The following PPP1R9A variants were observed in gnomAD, a reference collection of about 807,000 sequenced individuals.
The protein encoded by PPP1R9A is protein phosphatase 1 regulatory subunit 9A.
PPP1R9A carries 59 observed loss-of-function variants against 141.9 expected under a neutral mutation model. The observed-to-expected ratio is 0.42, with a 90% CI of 0.34 to 0.52. The LOEUF (loss-of-function observed/expected upper bound fraction) is 0.52, where lower values mean the gene tolerates loss of function less well. Among genes scored for constraint, PPP1R9A ranks in the 20% least tolerant of loss-of-function variants. PPP1R9A has a pLI of 0.10. For synonymous variants in PPP1R9A, 500 were observed against 569.7 expected (o/e 0.88, Z 1.74); for missense variants, 1,444 against 1,611.9 (o/e 0.90, Z 1.78).
intron 7 of PPP1R9A, among the ~76,000 whole-genome samples, chr7:95,218,679 T>C (rs1353481862): frequency 1.3e-5 from 2 of 152,122 alleles, no homozygotes; most frequent in African/African-American, 4.8e-5. Flanking sequence ...ATATTTAGGA[T>C]AGTTAGCTCT....
intron 2 of PPP1R9A, among the ~76,000 whole-genome samples, chr7:94,988,879 T>C (rs926449030): frequency 3.3e-5 from 5 of 152,014 alleles, no homozygotes; most frequent in African/African-American, 1.2e-4. Flanking sequence ...CCTTAGCTGT[T>C]CAGGAGTTTT....
At chr7:94,970,314 A>G (rs1247162000) in intron 2 of PPP1R9A, among the ~76,000 whole-genome samples, 1 of 152,176 alleles carries the variant, frequency 6.6e-6, no homozygotes, top group African/African-American at 2.4e-5. Context: ...GCAGATTGCA[A>G]AGACCATGGG....
chr7:95,296,270 C>T lies in PPP1R9A; in HGVS notation c.*5967C>T, dbSNP rs1368706105. 1.3e-5 allele frequency: 2 copies of T among 152,632 alleles called. No individual in the cohort carries two copies. The highest frequency in any genetic ancestry group is 4.8e-5 in the African/African-American group (2 of 41,464). The allele number at this position is 152,632 out of a possible 1,614,324, so 9.5% of individuals were successfully genotyped here. On this transcript the variant is annotated 3_prime_UTR_variant, in exon 20 of 20. Transcript: ENST00000433360. The stretch of plus-strand genomic sequence containing the variant: ...TTTCAGAGGCATTCAAGCAAAATAT[C>T]ACAGTGGTCTTTTGTTTTCTGACCA...
chr7:95,277,730 AT>A (rs1378112528), intron 16 of PPP1R9A, among the ~76,000 whole-genome samples: 1 of 152,234 alleles, frequency 6.6e-6, no homozygotes, highest in Non-Finnish European at 1.5e-5. Context: ...CCCAGCCAAC[AT>A]TCTGATTTTA....
chr7:94,942,958 C>T (rs1584322429), intron 2 of PPP1R9A, among the ~76,000 whole-genome samples: 1 of 152,022 alleles, frequency 6.6e-6, no homozygotes, highest in Non-Finnish European at 1.5e-5. Context: ...CAAATTTTCT[C>T]ATTAAAAAAT....
At chr7:95,164,983 C>T (rs1020035447) in intron 5 of PPP1R9A, among the ~76,000 whole-genome samples, 1 of 152,002 alleles carries the variant, frequency 6.6e-6, no homozygotes, top group Non-Finnish European at 1.5e-5. Context: ...GCTTTGCCCC[C>T]TTCCCCCAAA....
chr7:94,947,049 C>A (rs1795971420), intron 2 of PPP1R9A, among the ~76,000 whole-genome samples: 1 of 152,080 alleles, frequency 6.6e-6, no homozygotes, highest in African/African-American at 2.4e-5. Context: ...GACATTCTAT[C>A]TTTTTAATTT....
At chr7:94,972,539 G>A (rs867189971) in intron 2 of PPP1R9A, among the ~76,000 whole-genome samples, 1 of 152,040 alleles carries the variant, frequency 6.6e-6, no homozygotes. Flanking sequence ...TTTGTCACAA[G>A]TAGCTAAGCA....
chr7:95,212,585 C>T (rs912002714), intron 7 of PPP1R9A, among the ~76,000 whole-genome samples: 10 of 152,072 alleles, frequency 6.6e-5, no homozygotes, highest in African/African-American at 2.4e-4. Flanking sequence ...GAAAATGGTT[C>T]CTGATTTTAG....
intron 7 of PPP1R9A, among the ~76,000 whole-genome samples, chr7:95,223,765 A>G (rs1486056509): frequency 6.6e-6 from 1 of 152,038 alleles, no homozygotes; most frequent in Non-Finnish European, 1.5e-5. Context: ...AGTTCTATAT[A>G]CCTGGTTTAA....
chr7:95,179,356 C>G (rs1411466831), intron 5 of PPP1R9A, among the ~76,000 whole-genome samples: 1 of 152,042 alleles, frequency 6.6e-6, no homozygotes, highest in Non-Finnish European at 1.5e-5. Context: ...GTAACATTGG[C>G]ATGCAAGGGA....
chr7:95,274,642 T>C (rs1185284351), intron 16 of PPP1R9A, among the ~76,000 whole-genome samples: 3 of 152,200 alleles, frequency 2.0e-5, no homozygotes. Context: ...GGCTATTTAA[T>C]TGATTTTGTG....
At chr7:95,131,543 G>C (rs1475674240) in intron 4 of PPP1R9A, among the ~76,000 whole-genome samples, 1 of 151,932 alleles carries the variant, frequency 6.6e-6, no homozygotes, top group Non-Finnish European at 1.5e-5. Context: ...TTAGAGTATA[G>C]TTTGAGGTTG....
chr7:95,249,932 T>G, intron 9 of PPP1R9A, 94 bp from the exon 10 acceptor site: 1 of 1,439,490 alleles, frequency 6.9e-7, no homozygotes, highest in East Asian at 2.5e-5. Context: ...TTGTTTATGA[T>G]AATAGAACTT....
At chr7:94,969,580 C>T (rs901781583) in intron 2 of PPP1R9A, among the ~76,000 whole-genome samples, 8 of 152,066 alleles carry the variant, frequency 5.3e-5, no homozygotes, top group African/African-American at 1.2e-4. Flanking sequence ...AGGTATCTGT[C>T]GACCCCTGCT....
chr7:94,927,288 T>C (rs1053359635), intron 2 of PPP1R9A, among the ~76,000 whole-genome samples: 3 of 152,154 alleles, frequency 2.0e-5, no homozygotes, highest in African/African-American at 4.8e-5. Flanking sequence ...TATTTAAAAA[T>C]GTAACTATAA....
intron 8 of PPP1R9A, among the ~76,000 whole-genome samples, chr7:95,228,652 C>G (rs1476604788): frequency 6.6e-6 from 1 of 152,090 alleles, no homozygotes; most frequent in Non-Finnish European, 1.5e-5. Context: ...TATTTTTCAA[C>G]TTATTCAAGA....
At chr7:95,011,127 C>A (rs1310132775) in intron 2 of PPP1R9A, among the ~76,000 whole-genome samples, 1 of 152,092 alleles carries the variant, frequency 6.6e-6, no homozygotes, top group Non-Finnish European at 1.5e-5. Context: ...ATCCAAAATA[C>A]CTCATGCTCA....
intron 7 of PPP1R9A, among the ~76,000 whole-genome samples, chr7:95,218,141 G>A (rs1345586752): frequency 6.6e-6 from 1 of 151,832 alleles, no homozygotes; most frequent in East Asian, 1.9e-4. Flanking sequence ...CACTGCAAAT[G>A]TGTCCCAGAG....
Sources: gnomAD v4.1 joint callset for allele counts (sites outside exome capture counted in the v4.1 genomes callset) on GRCh38, gnomAD v4.1.1 for gene constraint, MANE v1.5 for transcripts, NCBI Gene and HGNC (gene_info 2026-07-23, HGNC 2026-07-21) for gene names.